ZFHX3: variants seen among roughly 807,000 people sequenced by gnomAD.
ZFHX3 encodes the protein zinc finger homeobox protein 3.
Under a neutral mutation model 279.1 loss-of-function variants are expected in ZFHX3, and 42 were observed. That is an observed-to-expected ratio of 0.15 (90% CI 0.12 to 0.19). The LOEUF (loss-of-function observed/expected upper bound fraction) is 0.19. ZFHX3 is among the 10% of genes least tolerant of loss of function. The pLI, the probability that ZFHX3 is intolerant of heterozygous loss-of-function variation, is 1.00. For synonymous variants in ZFHX3, 2,293 were observed against 1,957.8 expected (o/e 1.17, Z -4.52); for missense variants, 4,981 against 4,754.0 (o/e 1.05, Z -1.40).
intron 4 of ZFHX3, among the ~76,000 whole-genome samples, chr16:72,855,315 G>A (rs546597715): frequency 9.8e-5 from 15 of 152,338 alleles, no homozygotes; most frequent in Admixed American, 2.0e-4. Context: ...ACGCTGGAGC[G>A]CGTGCACGCG....
At chr16:73,427,006 G>A (rs774705089) in intron 3 of ZFHX3, among the ~76,000 whole-genome samples, 2 of 152,138 alleles carry the variant, frequency 1.3e-5, no homozygotes, top group Non-Finnish European at 2.9e-5. Context: ...CCCTGACGAT[G>A]CCATTTTTAA....
At position 72,786,296 on chromosome 16, in the gene ZFHX3, G is replaced by C. The variant is rs1233336548; in HGVS notation, c.*868C>G. On this transcript the variant is annotated 3_prime_UTR_variant, in exon 10 of 10. Coordinates refer to ENST00000268489, the MANE Select transcript of ZFHX3 (RefSeq NM_006885.4). ...CATACTGCTTCAGTTCATTTCCAAT[G>C]CAACAATCTACTCAACACCAAAAAT... 4 of 147,828 alleles carry C rather than the reference G, an allele frequency of 2.7e-5. No homozygotes were observed. The highest frequency in any genetic ancestry group is 1.0e-4 in the African/African-American group (4 of 39,632). 9.2% of individuals were successfully genotyped at this position (147,828 alleles called of 1,614,324 possible).
exon 3 of ZFHX3, chr16:73,456,006 G>T (rs1482940765): frequency 6.6e-6 from 1 of 151,946 alleles, no homozygotes; most frequent in Admixed American, 6.6e-5. Flanking sequence ...CCCTTACCTG[G>T]GAAGAACTGT....
chr16:73,711,858 T>C (rs1282856049), intron 1 of ZFHX3, among the ~76,000 whole-genome samples: 1 of 152,184 alleles, frequency 6.6e-6, no homozygotes, highest in Non-Finnish European at 1.5e-5. Flanking sequence ...TCTCTCTGGC[T>C]GGAAGAGATC....
chr16:72,807,846 T>C (rs924947270), intron 7 of ZFHX3: 8 of 152,244 alleles, frequency 5.3e-5, no homozygotes, highest in Middle Eastern at 3.4e-3. Context: ...GTCAACCCAT[T>C]TGGAAAGAAA....
intron 3 of ZFHX3, among the ~76,000 whole-genome samples, chr16:73,443,205 GA>G (rs1374558925): frequency 6.6e-6 from 1 of 152,158 alleles, no homozygotes; most frequent in Non-Finnish European, 1.5e-5. Context: ...AGAAAGAAGG[GA>G]AAGAAATAAA....
chr16:73,013,193 A>C (rs1013697773), intron 1 of ZFHX3, among the ~76,000 whole-genome samples: 5 of 152,224 alleles, frequency 3.3e-5, no homozygotes, highest in African/African-American at 1.2e-4. Context: ...AGTGACCTCT[A>C]AAGTGTGGTA....
intron 1 of ZFHX3, among the ~76,000 whole-genome samples, chr16:73,721,178 G>A (rs531350334): frequency 1.5e-4 from 23 of 151,962 alleles, no homozygotes; most frequent in Non-Finnish European, 3.2e-4. Context: ...CTGGCATGCA[G>A]TGGCGGGATC....
intron 3 of ZFHX3, among the ~76,000 whole-genome samples, chr16:73,350,850 A>G: frequency 6.6e-6 from 1 of 152,196 alleles, no homozygotes; most frequent in African/African-American, 2.4e-5. Context: ...GGGAAGCAGC[A>G]TGTGCGCAAG....
In ZFHX3 at chr16:73,425,309, G is replaced by T. The variant is rs528817507; in HGVS notation, c.-1291+30694C>A. 2.0e-5 allele frequency among the ~76,000 whole-genome samples: 3 copies of T among 152,292 alleles called. No individual in the cohort carries two copies. The South Asian group carries it at 6.2e-4, about 32-fold the overall frequency. On this transcript the variant is annotated intron_variant, in intron 3 of 17. Coordinates refer to the ZFHX3 transcript ENST00000641206. ...TGCTGGGGCCACTTGCAGGTACCCAGACAGCTCGGCCCTTACAGAATGATT... is the reference window on the plus strand; with the variant it reads ...TGCTGGGGCCACTTGCAGGTACCCATACAGCTCGGCCCTTACAGAATGATT...
At chr16:73,881,190 C>T (rs532038663) in intron 1 of ZFHX3, among the ~76,000 whole-genome samples, 4 of 152,228 alleles carry the variant, frequency 2.6e-5, no homozygotes, top group Admixed American at 1.3e-4. Context: ...TAAAGAAACT[C>T]AGCTTGTGCG....
At chr16:73,567,063 G>A (rs1318889532) in intron 2 of ZFHX3, among the ~76,000 whole-genome samples, 1 of 152,030 alleles carries the variant, frequency 6.6e-6, no homozygotes, top group Non-Finnish European at 1.5e-5. Flanking sequence ...TGTTCAGGCT[G>A]TTGTCAAACT....
At chr16:73,737,384 A>C (rs1388449527) in intron 1 of ZFHX3, among the ~76,000 whole-genome samples, 2 of 152,210 alleles carry the variant, frequency 1.3e-5, no homozygotes, top group Non-Finnish European at 2.9e-5. Context: ...CCCAAAACAG[A>C]ACAAGGAAAA....
rs569616074 is a variant in ZFHX3, at chr16:72,857,760, T to C, written c.3449-27901A>G. 3.3e-5 allele frequency among the ~76,000 whole-genome samples: 5 copies of C among 152,220 alleles called. No homozygotes were observed. In the South Asian group the frequency reaches 1.0e-3, roughly 32 times the overall value. ...TTCCAAGTTAACAAAAGCTGAGGAGTTATTTTTTCCCAACTTCAGGCTGCA... is the reference window on the plus strand; with the variant it reads ...TTCCAAGTTAACAAAAGCTGAGGAGCTATTTTTTCCCAACTTCAGGCTGCA... On this transcript the variant is annotated intron_variant, in intron 4 of 9. Coordinates refer to ENST00000268489, the MANE Select transcript of ZFHX3 (RefSeq NM_006885.4).
chr16:72,879,175 G>A (rs1380215351), intron 4 of ZFHX3, among the ~76,000 whole-genome samples: 1 of 152,186 alleles, frequency 6.6e-6, no homozygotes, highest in Non-Finnish European at 1.5e-5. Context: ...GTCCAGCCTG[G>A]AGTATATAAC....
rs551713905 is a variant in ZFHX3 at position 73,674,921 on chromosome 16, C to A, written c.-1547+5259G>T. On this transcript the variant is annotated intron_variant, in intron 2 of 17. Coordinates refer to the ZFHX3 transcript ENST00000641206. ...AGAAGAACTGCCCAGCTGAACCCAG[C>A]CCAAATTACTGGCCTACAGCACCAT... 2.6e-5 allele frequency among the ~76,000 whole-genome samples: 4 copies of A among 152,212 alleles called. No homozygotes were observed. The East Asian group carries it at 7.7e-4, about 29-fold the overall frequency.
At chr16:73,719,455 G>A (rs1203160847) in intron 1 of ZFHX3, among the ~76,000 whole-genome samples, 1 of 152,010 alleles carries the variant, frequency 6.6e-6, no homozygotes, top group Non-Finnish European at 1.5e-5. Flanking sequence ...AGGAACACCT[G>A]GGTCATTGCT....
intron 4 of ZFHX3, among the ~76,000 whole-genome samples, chr16:73,303,519 A>T (rs1295837532): frequency 6.6e-6 from 1 of 152,156 alleles, no homozygotes; most frequent in African/African-American, 2.4e-5. Flanking sequence ...TCATTTAAAA[A>T]CAGATGGAGC....
At chr16:73,716,329 A>G (rs1333770592) in intron 1 of ZFHX3, among the ~76,000 whole-genome samples, 1 of 152,182 alleles carries the variant, frequency 6.6e-6, no homozygotes, top group Non-Finnish European at 1.5e-5. Flanking sequence ...CAGCCCAAAT[A>G]TACAAGATTG....
Sources: allele counts gnomAD v4.1 joint callset (sites outside exome capture counted in the v4.1 genomes callset), GRCh38; gene constraint gnomAD v4.1.1; transcripts MANE v1.5; gene names NCBI Gene and HGNC (gene_info 2026-07-23, HGNC 2026-07-21).